ESRRB: variants seen among roughly 807,000 people sequenced by gnomAD.
ESRRB encodes steroid hormone receptor ERR2.
Under a neutral mutation model 46.0 loss-of-function variants are expected in ESRRB, and 16 were observed. That is an observed-to-expected ratio of 0.35 (90% confidence interval 0.24 to 0.53). The LOEUF (loss-of-function observed/expected upper bound fraction) is 0.53. Ranked by LOEUF, ESRRB falls within the 20% of genes least tolerant of loss-of-function variation. The pLI, the probability that ESRRB is intolerant of heterozygous loss-of-function variation, is 0.93. For synonymous variants in ESRRB, 246 were observed against 259.6 expected (o/e 0.95, Z 0.50); for missense variants, 488 against 607.4 (o/e 0.80, Z 2.07).
intron 2 of ESRRB, among the ~76,000 whole-genome samples, chr14:76,457,926 C>T (rs952821705): frequency 3.9e-5 from 6 of 152,120 alleles, no homozygotes; most frequent in Non-Finnish European, 8.8e-5. Context: ...CCTACTGCCT[C>T]GGCCACCCAA....
At chr14:76,330,040 G>A (rs2139735741) in intron 1 of ESRRB, among the ~76,000 whole-genome samples, 1 of 152,020 alleles carries the variant, frequency 6.6e-6, no homozygotes. Context: ...TGGGGCCAAG[G>A]GGTAGGAGGC....
At chr14:76,448,343 T>G (rs1329317603) in intron 2 of ESRRB, among the ~76,000 whole-genome samples, 2 of 150,704 alleles carry the variant, frequency 1.3e-5, no homozygotes, top group Non-Finnish European at 3.0e-5. Context: ...TTTTTTTTTT[T>G]TTGAGACCGA....
At chr14:76,342,625 CAA>C (rs1263333710) in intron 1 of ESRRB, among the ~76,000 whole-genome samples, 1 of 152,172 alleles carries the variant, frequency 6.6e-6, no homozygotes, top group Non-Finnish European at 1.5e-5. Flanking sequence ...GCTATGGAGC[CAA>C]AGACTTCTGG....
intron 1 of ESRRB, among the ~76,000 whole-genome samples, chr14:76,345,597 A>G (rs1884239948): frequency 6.6e-6 from 1 of 152,242 alleles, no homozygotes; most frequent in South Asian, 2.1e-4. Context: ...GCTGGTGGGA[A>G]TGTACACTAG....
intron 1 of ESRRB, among the ~76,000 whole-genome samples, chr14:76,428,894 C>T (rs1887313794): frequency 6.6e-6 from 1 of 152,182 alleles, no homozygotes; most frequent in Non-Finnish European, 1.5e-5. Context: ...ACTAATCTTT[C>T]TAACGACAAG....
chr14:76,366,825 G>C (rs1165140947), upstream of ESRRB, among the ~76,000 whole-genome samples: 1 of 152,162 alleles, frequency 6.6e-6, no homozygotes, highest in Admixed American at 6.5e-5. Flanking sequence ...TGAAGTAGGT[G>C]GGTGGGTGGA....
intron 2 of ESRRB, among the ~76,000 whole-genome samples, chr14:76,457,797 C>T (rs1297815547): frequency 4.6e-5 from 7 of 152,096 alleles, no homozygotes; most frequent in Non-Finnish European, 5.9e-5. Flanking sequence ...CTCAGCCTTC[C>T]GAATAGCTAA....
intron 1 of ESRRB, among the ~76,000 whole-genome samples, chr14:76,352,126 C>T (rs1884321684): frequency 6.6e-6 from 1 of 151,880 alleles, no homozygotes; most frequent in South Asian, 2.1e-4. Flanking sequence ...GTGGTTGGAG[C>T]TCCACAGGCT....
chr14:76,332,753 A>ATATAT (rs1884043180), intron 1 of ESRRB, among the ~76,000 whole-genome samples: 2 of 8,502 alleles, frequency 2.4e-4, no homozygotes, highest in African/African-American at 3.5e-4. Flanking sequence ...TTTATATATT[A>ATATAT]TATATAAATA....
chr14:76,451,695 C>T (rs191672656), intron 2 of ESRRB, among the ~76,000 whole-genome samples: 119 of 151,014 alleles, frequency 7.9e-4, no homozygotes, highest in Non-Finnish European at 1.5e-3. Flanking sequence ...GGTGCAATCT[C>T]GGTTCACTGC....
chr14:76,411,912 G>A (rs1566883507), intron 1 of ESRRB, among the ~76,000 whole-genome samples: 3 of 152,146 alleles, frequency 2.0e-5, no homozygotes, highest in South Asian at 2.1e-4. Flanking sequence ...AACAATCTGT[G>A]TAATAAGCTG....
chr14:76,323,460 C>T (rs897440119), intron 1 of ESRRB, among the ~76,000 whole-genome samples: 1 of 152,062 alleles, frequency 6.6e-6, no homozygotes. Context: ...CAGGCATGTA[C>T]CACTATGCCT....
intron 1 of ESRRB, among the ~76,000 whole-genome samples, chr14:76,383,336 T>A (rs1885088060): frequency 1.8e-5 from 2 of 112,544 alleles, no homozygotes; most frequent in African/African-American, 6.6e-5. Context: ...TTTTGAAATT[T>A]TTATTGGTTT....
At chr14:76,377,790 T>G (rs1039761111) in intron 1 of ESRRB, among the ~76,000 whole-genome samples, 1 of 152,134 alleles carries the variant, frequency 6.6e-6, no homozygotes, top group Non-Finnish European at 1.5e-5. Flanking sequence ...GCACCCCGCT[T>G]GAGAGAGAGG....
chr14:76,346,392 C>T (rs1473863784), intron 1 of ESRRB, among the ~76,000 whole-genome samples: 1 of 152,194 alleles, frequency 6.6e-6, no homozygotes, highest in Non-Finnish European at 1.5e-5. Context: ...AAAGGCCAGA[C>T]CCTGAAATGA....
chr14:76,462,078 C>T (rs148091445), intron 2 of ESRRB, among the ~76,000 whole-genome samples: 1 of 152,186 alleles, frequency 6.6e-6, no homozygotes, highest in East Asian at 1.9e-4. Context: ...GATGCAGAAC[C>T]CGGGCCTTGA....
At chr14:76,472,569 T>C (rs1480635200) in intron 3 of ESRRB, among the ~76,000 whole-genome samples, 3 of 152,226 alleles carry the variant, frequency 2.0e-5, no homozygotes, top group Non-Finnish European at 2.9e-5. Flanking sequence ...AAATGAGCCA[T>C]TGTGTCTGAG....
At chr14:76,354,903 C>T (rs1471620739) in intron 1 of ESRRB, among the ~76,000 whole-genome samples, 1 of 151,554 alleles carries the variant, frequency 6.6e-6, no homozygotes, top group Non-Finnish European at 1.5e-5. Flanking sequence ...TAGAGATGAA[C>T]GTTCACCATG....
rs537870475 is a variant in ESRRB, at chr14:76,437,156, C to T, written c.51-2185C>T. 1.1e-4 allele frequency among the ~76,000 whole-genome samples: 17 copies of T among 152,230 alleles called. No individual in the cohort carries two copies. The South Asian group carries it at 3.1e-3, about 28-fold the overall frequency. ...AAGTGATTCTCGTGCTTCAGCCTCC[C>T]GAGTAGCTGGGACTACAGGCCGGCG... On this transcript the variant is annotated intron_variant, in intron 1 of 6. Coordinates refer to ENST00000644823, the MANE Select transcript of ESRRB (RefSeq NM_001379180.1).
Sources: allele counts gnomAD v4.1 joint callset (sites outside exome capture counted in the v4.1 genomes callset), GRCh38; gene constraint gnomAD v4.1.1; transcripts MANE v1.5; gene names NCBI Gene and HGNC (gene_info 2026-07-23, HGNC 2026-07-21).